Variants in PHF12 observed in about 807,000 individuals in gnomAD.
PHF12 encodes the protein PHD finger protein 12.
A neutral mutation model predicts 99.8 loss-of-function variants in PHF12; 6 were observed. The ratio of observed to expected loss-of-function variants is 0.06; its 90% CI spans 0.03 to 0.12. The LOEUF is 0.12. PHF12 is among the 10% of genes least tolerant of loss of function. The pLI is 1.00. For synonymous variants in PHF12, 480 were observed against 514.9 expected (o/e 0.93, Z 0.92); for missense variants, 954 against 1,300.1 (o/e 0.73, Z 4.09).
Position 28,924,780 on chromosome 17 carries a change from A to T in PHF12, c.322-478T>A, listed in dbSNP as rs186318334. 2.6e-3 allele frequency: 494 copies of T among 192,166 alleles called. 2 individuals carry two copies. The highest frequency in any genetic ancestry group is 7.4e-3 in the Middle Eastern group (3 of 404). The allele number at this position is 192,166 out of a possible 1,614,324, so 11.9% of individuals were successfully genotyped here. ...AGCCTGGCCAACATGGTGAAACCCC[A>T]TCTCTACTAAAAACACAAAAATTAG... is the stretch of plus-strand genomic sequence containing the variant. On this transcript the variant is annotated intron_variant, in intron 3 of 14. Transcript: ENST00000332830.
intron 7 of PHF12, among the ~76,000 whole-genome samples, chr17:28,915,078 TA>T (rs1056930743): frequency 2.0e-5 from 3 of 152,178 alleles, no homozygotes; most frequent in Non-Finnish European, 4.4e-5. Flanking sequence ...ACATAGTGCT[TA>T]TTTTAGTTTG....
chr17:28,932,525 G>A (rs2040431870), intron 2 of PHF12, among the ~76,000 whole-genome samples: 1 of 152,188 alleles, frequency 6.6e-6, no homozygotes, highest in Non-Finnish European at 1.5e-5. Context: ...TTCTGAAAGA[G>A]GCTGTTTTGC....
At chr17:28,919,596 T>C (rs953621172) in intron 5 of PHF12, among the ~76,000 whole-genome samples, 16 of 152,050 alleles carry the variant, frequency 1.1e-4, no homozygotes, top group African/African-American at 3.9e-4. Context: ...AAAAATTAGC[T>C]GGGCGTGGTG....
chr17:28,923,440 C>T (rs911934778), intron 4 of PHF12, among the ~76,000 whole-genome samples: 11 of 151,176 alleles, frequency 7.3e-5, no homozygotes, highest in Non-Finnish European at 1.5e-4. Context: ...GGCAGATCAC[C>T]TGAGGTCAGG....
In PHF12 at chr17:28,921,815, A is replaced by G. The variant is rs942375561; in HGVS notation, c.716-7T>C. 2.8e-5 allele frequency: 45 copies of G among 1,613,924 alleles called. No homozygotes were observed. The highest frequency in any genetic ancestry group is 3.7e-5 in the Non-Finnish European group (44 of 1,179,990). On this transcript the variant is annotated splice_region_variant and splice_polypyrimidine_tract_variant and intron_variant, in intron 4 of 14. Transcript: ENST00000332830. ...CTTCTCCTCTTGCTAGAACCTAGAA[A>G]AGAAAATGATGGTGCTGAGCTATCC...
chr17:28,949,701 G>A lies in PHF12; in HGVS notation c.248+364C>T, dbSNP rs983207342. The A allele has an allele frequency of 5.5e-6, 1 of 180,762 alleles. No individual in the cohort carries two copies. The highest frequency in any genetic ancestry group is 1.2e-5 in the Non-Finnish European group (1 of 86,638). 11.2% of individuals were successfully genotyped at this position (180,762 alleles called of 1,614,324 possible). A position where few individuals can be genotyped will look rare whatever the true frequency, so the allele number is the denominator to read the frequency against. On this transcript the variant is annotated intron_variant, in intron 2 of 14. Transcript: ENST00000332830. The surrounding 1 kb of genome is among the most constrained non-coding windows in gnomAD (Gnocchi z 4.6). ...GATCCCGGCCGGGCAGGAGCCCCGA[G>A]GGCAGCGGGCGCGCGGGCAGGCAAG...
intron 3 of PHF12, 172 bp from the exon 4 acceptor site, chr17:28,924,474 C>T: frequency 1.2e-6 from 1 of 834,588 alleles, no homozygotes; most frequent in Non-Finnish European, 1.9e-6. Flanking sequence ...ACAACTCTAA[C>T]TGAACTAAAG....
At chr17:28,910,048 G>T in intron 11 of PHF12, 178 bp downstream of exon 11, 1 of 890,358 alleles carries the variant, frequency 1.1e-6, no homozygotes, top group Non-Finnish European at 1.8e-6. Flanking sequence ...GAAAGCTGTG[G>T]TTGCCATCTT....
At chr17:28,928,058 C>T (rs2040317253) in intron 2 of PHF12, 1 of 152,196 alleles carries the variant, frequency 6.6e-6, no homozygotes, top group Non-Finnish European at 1.5e-5. Flanking sequence ...TTGCAGTGAA[C>T]CAAGATCACA....
intron 10 of PHF12, 59 bp downstream of exon 10, chr17:28,911,053 T>C: frequency 1.2e-6 from 2 of 1,609,030 alleles, no homozygotes; most frequent in Non-Finnish European, 1.7e-6. Context: ...CTGAATGCTG[T>C]ATAGGAATAG....
rs774786169 is a variant in PHF12 at position 28,950,344 on chromosome 17, CCT to C, written c.67-100_67-99del. 555 of 1,309,478 alleles carry C rather than the reference CCT, an allele frequency of 4.2e-4. 2 individuals carry two copies. The highest frequency in any genetic ancestry group is 9.3e-4 in the South Asian group (67 of 71,752). 81.1% of individuals were successfully genotyped at this position (1,309,478 alleles called of 1,614,324 possible). ...TTCTCCGTCACCCACCCCTCTCCCC[CCT>C]TTTGTCCTTCTTCCTCCCATCCAGG... On this transcript the variant is annotated intron_variant, in intron 1 of 14. Coordinates refer to ENST00000332830, the MANE Select transcript of PHF12 (RefSeq NM_001033561.2). This position sits in a 1 kb window ranked among gnomAD's most constrained non-coding sequence, Gnocchi z 5.7.
intron 2 of PHF12, among the ~76,000 whole-genome samples, chr17:28,938,593 C>G (rs1473621746): frequency 6.6e-6 from 1 of 152,072 alleles, no homozygotes; most frequent in Non-Finnish European, 1.5e-5. Context: ...TTTAATTTAC[C>G]CTCCCCTGAC....
chr17:28,924,431 G>A, intron 3 of PHF12, 129 bp from the exon 4 acceptor site: 1 of 1,267,970 alleles, frequency 7.9e-7, no homozygotes, highest in Non-Finnish European at 1.1e-6. Flanking sequence ...TCATCTACCT[G>A]GTCACTTGGA....
chr17:28,906,691 T>C lies in PHF12; in HGVS notation c.2680+165A>G. 8.2e-7 allele frequency: 1 copy of C among 1,222,274 alleles called. No homozygotes were observed. Among genetic ancestry groups the C allele is most frequent in the Non-Finnish European group, 1.1e-6 (1 of 885,414 alleles). The allele number at this position is 1,222,274 out of a possible 1,614,324, so 75.7% of individuals were successfully genotyped here. On this transcript the variant is annotated intron_variant, in intron 14 of 14. Transcript: ENST00000332830. The surrounding 1 kb of genome is among the most constrained non-coding windows in gnomAD (Gnocchi z 4.2). ...AAGTCCCCACAGGTGTGTACACACA[T>C]GGGGGTACTCAGCACTTGCTTCTCT... is the stretch of plus-strand genomic sequence containing the variant.
chr17:28,910,000 T>C, intron 11 of PHF12: 1 of 695,412 alleles, frequency 1.4e-6, no homozygotes, highest in African/African-American at 1.8e-5. Context: ...GACTTATATA[T>C]GAAAGAAAGT....
At position 28,949,125 on chromosome 17, in the gene PHF12, C is replaced by T. The variant is rs1412016602; in HGVS notation, c.248+940G>A. Among the ~76,000 whole-genome samples, 4 of 152,180 alleles carry T rather than the reference C, an allele frequency of 2.6e-5. No individual in the cohort carries two copies. The highest frequency in any genetic ancestry group is 9.7e-5 in the African/African-American group (4 of 41,436). On this transcript the variant is annotated intron_variant, in intron 2 of 14. Transcript: ENST00000332830. The surrounding 1 kb of genome is among the most constrained non-coding windows in gnomAD (Gnocchi z 4.6). ...AAGGGGGAAAAAGCGTACGGCTTTC[C>T]AGCTCTCAGCTCCTTAAAAATGCCT...
At chr17:28,914,186 T>A in intron 7 of PHF12, 149 bp from the exon 8 acceptor site, 1 of 888,882 alleles carries the variant, frequency 1.1e-6, no homozygotes, top group South Asian at 1.9e-5. Context: ...GGCTCAGAAA[T>A]GGAAATAGCA....
chr17:28,940,190 G>T (rs1443520008), intron 2 of PHF12, among the ~76,000 whole-genome samples: 2 of 152,200 alleles, frequency 1.3e-5, no homozygotes, highest in Non-Finnish European at 2.9e-5. Context: ...GTTAACAAAG[G>T]TATCATCCAC....
At chr17:28,929,263 A>G (rs1263380274) in intron 2 of PHF12, among the ~76,000 whole-genome samples, 2 of 149,000 alleles carry the variant, frequency 1.3e-5, no homozygotes, top group African/African-American at 4.9e-5. Flanking sequence ...TTTTTTTGAG[A>G]TGGAGTTTTG....
Sources: allele counts gnomAD v4.1 joint callset (sites outside exome capture counted in the v4.1 genomes callset), GRCh38; gene constraint gnomAD v4.1.1; non-coding constraint Gnocchi (gnomAD v3.1); transcripts MANE v1.5; gene names NCBI Gene and HGNC (gene_info 2026-07-23, HGNC 2026-07-21).